Variants in LAMA3 observed in about 807,000 individuals in gnomAD.
LAMA3 encodes the protein laminin subunit alpha-3.
LAMA3 carries 281 observed loss-of-function variants against 402.0 expected under a neutral mutation model. The observed-to-expected ratio is 0.70, with a 90% CI of 0.63 to 0.77. LAMA3 has a LOEUF of 0.77. Ranked by LOEUF, LAMA3 falls within the 30% of genes least tolerant of loss-of-function variation. LAMA3 has a pLI of 0.00. For missense variants in LAMA3, 3,840 were observed against 4,215.5 expected (o/e 0.91, Z 2.47); for synonymous variants, 1,431 against 1,558.4 (o/e 0.92, Z 1.93).
At chr18:23,759,990 A>G (rs1434578731) in intron 7 of LAMA3, among the ~76,000 whole-genome samples, 3 of 152,242 alleles carry the variant, frequency 2.0e-5, no homozygotes, top group Non-Finnish European at 4.4e-5. Context: ...GTATAATAAA[A>G]GTAACCAGGG....
chr18:23,699,054 GAA>G (rs375806264), intron 1 of LAMA3, among the ~76,000 whole-genome samples: 42 of 136,424 alleles, frequency 3.1e-4, no homozygotes, highest in Middle Eastern at 3.9e-3. Context: ...GAGAGAGAGA[GAA>G]AGAAAAGAAA....
In LAMA3 at chr18:23,814,518, G is replaced by A. The variant is rs367811450; in HGVS notation, c.1888+16G>A. The A allele has an allele frequency of 7.1e-5, 105 of 1,485,338 alleles. No individual in the cohort carries two copies. The African/African-American group carries it at 1.1e-3, about 16-fold the overall frequency. The allele number at this position is 1,485,338 out of a possible 1,614,324, so 92.0% of individuals were successfully genotyped here. A position where few individuals can be genotyped will look rare whatever the true frequency, so the allele number is the denominator to read the frequency against. ...GGATGTTCAGGTAGGTTTCTTATAT[G>A]TCATAATTTACTATATTATAATGTT... On this transcript the variant is annotated intron_variant, in intron 15 of 74. Coordinates refer to ENST00000313654, the MANE Select transcript of LAMA3 (RefSeq NM_198129.4).
chr18:23,820,671 A>G (rs2063267852), intron 19 of LAMA3, among the ~76,000 whole-genome samples: 1 of 152,180 alleles, frequency 6.6e-6, no homozygotes, highest in Non-Finnish European at 1.5e-5. Context: ...ATAGCCATTG[A>G]GTAGCTTTGT....
chr18:23,780,452 C>T (rs948887554), intron 11 of LAMA3, among the ~76,000 whole-genome samples: 15 of 151,956 alleles, frequency 9.9e-5, no homozygotes, highest in African/African-American at 3.4e-4. Flanking sequence ...GAAGAGGAGT[C>T]AGCCAGGCAG....
In LAMA3 at chr18:23,921,053, C is replaced by T. The variant is rs371915321; in HGVS notation, c.8042C>T (p.Ser2681Leu). 6.8e-6 allele frequency: 11 copies of T among 1,613,876 alleles called. No individual in the cohort carries two copies. The highest frequency in any genetic ancestry group is 2.2e-5 in the South Asian group (2 of 91,056). ...GCCATAAACAACGGCAGAGACCATT[C>T]GGTACACCTTTTGAGTCTGTTTACT... ...GDAINNGRDH[S>L]IQIKIGKLQK... is the part of the protein sequence containing the mutation. Residue 2681 changes from serine to leucine, a missense_variant and splice_region_variant, in exon 61 of 75, where the codon TCG (serine) becomes TTG (leucine). Physicochemically the swap from Ser to Leu is moderately radical, Grantham distance 145. Coordinates refer to ENST00000313654, the MANE Select transcript of LAMA3 (RefSeq NM_198129.4).
chr18:23,944,008 G>T (rs2082620164), intron 69 of LAMA3, 37 bp downstream of exon 69: 6 of 1,597,518 alleles, frequency 3.8e-6, no homozygotes, highest in Non-Finnish European at 5.1e-6. Flanking sequence ...TCCAGTTGGT[G>T]TGGAATTCAC....
intron 12 of LAMA3, among the ~76,000 whole-genome samples, chr18:23,804,149 T>G (rs557462941): frequency 6.6e-6 from 1 of 152,290 alleles, no homozygotes; most frequent in Non-Finnish European, 1.5e-5. Context: ...CAAAAAAAAG[T>G]TATCTGCAGA....
Position 23,815,394 on chromosome 18 carries a change from G to C in LAMA3, c.1942-74G>C, listed in dbSNP as rs2155841. The C allele has an allele frequency of 0.74, 1,047,790 of 1,410,226 alleles. 392,354 individuals are homozygous for C. The highest frequency in any genetic ancestry group is 0.95 in the African/African-American group (67,604 of 71,106). The allele number at this position is 1,410,226 out of a possible 1,614,324, so 87.4% of individuals were successfully genotyped here. On this transcript the variant is annotated intron_variant, in intron 16 of 74. Transcript: ENST00000313654. ...ACACTGCTTCCTATTATACAGTGAG[G>C]CAGTTTTCAATCTTGAAGATTAGTG...
At chr18:23,750,866 A>C in intron 4 of LAMA3, 52 bp from the exon 5 acceptor site, 4 of 1,604,100 alleles carry the variant, frequency 2.5e-6, no homozygotes, top group Non-Finnish European at 3.4e-6. Flanking sequence ...CTTGCTGCTA[A>C]ATTTTGATAA....
intron 69 of LAMA3, among the ~76,000 whole-genome samples, chr18:23,944,725 C>G (rs985922907): frequency 6.6e-6 from 1 of 152,128 alleles, no homozygotes; most frequent in African/African-American, 2.4e-5. Flanking sequence ...GAACAAAACA[C>G]AAAGCAATAA....
rs746990078 is a variant in LAMA3 at position 23,931,122 on chromosome 18, G to A, written c.8497G>A (p.Gly2833Ser). 2.3e-5 allele frequency: 37 copies of A among 1,612,852 alleles called. 1 individual carries two copies. The South Asian group carries it at 2.6e-4, about 11-fold the overall frequency. The change falls in exon 65 of 75, where the codon GGC (glycine) becomes AGC (serine). Residue 2833 changes from glycine to serine, a missense_variant. Physicochemically the swap from Gly to Ser is moderately conservative, Grantham distance 56. Coordinates refer to ENST00000313654, the MANE Select transcript of LAMA3 (RefSeq NM_198129.4). The part of the protein sequence containing the change: ...GYIELSTSDS[G>S]GPIFKSPQTY... Reference sequence around the variant, plus strand: ...CATTGAATTGAGCACCAGCGATAGCGGCGGCCCAATTTTTAAATCTCCACA... The same window carrying A: ...CATTGAATTGAGCACCAGCGATAGCAGCGGCCCAATTTTTAAATCTCCACA...
chr18:23,932,503 G>A (rs972051186), intron 66 of LAMA3: 11 of 515,498 alleles, frequency 2.1e-5, no homozygotes, highest in Admixed American at 6.4e-5. Context: ...GAGGAGCAGC[G>A]TTAGCATGTA....
chr18:23,878,246 G>C (rs2064787108), intron 39 of LAMA3, among the ~76,000 whole-genome samples: 1 of 152,236 alleles, frequency 6.6e-6, no homozygotes, highest in African/African-American at 2.4e-5. Context: ...AGGAAAACTT[G>C]TGAGAGTCAT....
chr18:23,788,615 G>A (rs1426301364), intron 12 of LAMA3, among the ~76,000 whole-genome samples: 1 of 151,718 alleles, frequency 6.6e-6, no homozygotes, highest in Admixed American at 6.6e-5. Context: ...ACAAAAATTA[G>A]TACAAAATGT....
At chr18:23,814,274 C>G in intron 14 of LAMA3, 129 bp from the exon 15 acceptor site, 2 of 709,004 alleles carry the variant, frequency 2.8e-6, no homozygotes, top group South Asian at 3.1e-5. Context: ...AGTATTTTTT[C>G]CCCCTGGATA....
intron 30 of LAMA3, 40 bp from the exon 31 acceptor site, chr18:23,846,257 C>T (rs544019626): frequency 1.2e-6 from 2 of 1,601,220 alleles, no homozygotes; most frequent in South Asian, 2.2e-5. Context: ...CCCATACACA[C>T]CTCCCCAGGC....
At chr18:23,766,729 C>G (rs1041906918) in intron 8 of LAMA3, among the ~76,000 whole-genome samples, 5 of 151,962 alleles carry the variant, frequency 3.3e-5, no homozygotes, top group African/African-American at 1.2e-4. Flanking sequence ...ATCCCAGATA[C>G]TCGGGAGGCT....
At chr18:23,829,077 T>G (rs1323439277) in intron 23 of LAMA3, among the ~76,000 whole-genome samples, 1 of 152,228 alleles carries the variant, frequency 6.6e-6, no homozygotes, top group Non-Finnish European at 1.5e-5. Flanking sequence ...GTGAAAAGCA[T>G]GAATAGGCAC....
At chr18:23,909,004 G>T in intron 54 of LAMA3, 149 bp from the exon 55 acceptor site, 4 of 737,218 alleles carry the variant, frequency 5.4e-6, no homozygotes, top group Non-Finnish European at 7.1e-6. Flanking sequence ...CATGGGTAAG[G>T]GGGGAACTAC....
Sources: gnomAD v4.1 joint callset for allele counts (sites outside exome capture counted in the v4.1 genomes callset) on GRCh38, gnomAD v4.1.1 for gene constraint, MANE v1.5 for transcripts, NCBI Gene and HGNC (gene_info 2026-07-23, HGNC 2026-07-21) for gene names.